DLG2: variants seen among roughly 807,000 people sequenced by gnomAD.
DLG2 encodes the protein discs large MAGUK scaffold protein 2.
DLG2 carries 45 observed loss-of-function variants against 132.5 expected under a neutral mutation model. The ratio of observed to expected loss-of-function variants is 0.34; its 90% CI spans 0.27 to 0.44. The LOEUF is 0.44. DLG2 is among the 20% of genes least tolerant of loss of function. DLG2 has a pLI of 1.00. For synonymous variants in DLG2, 424 were observed against 419.6 expected (o/e 1.01, Z -0.13); for missense variants, 1,045 against 1,196.9 (o/e 0.87, Z 1.87).
intron 9 of DLG2, among the ~76,000 whole-genome samples, chr11:84,157,402 T>C (rs1200468257): frequency 6.6e-6 from 1 of 152,206 alleles, no homozygotes; most frequent in Middle Eastern, 3.2e-3. Context: ...CTACTCCCTA[T>C]CTGAGAGGCC....
At chr11:84,428,471 G>A (rs894532018) in intron 7 of DLG2, among the ~76,000 whole-genome samples, 1 of 152,166 alleles carries the variant, frequency 6.6e-6, no homozygotes, top group African/African-American at 2.4e-5. Context: ...TCACAGTTCT[G>A]GAGACTGGGA....
At chr11:85,199,483 G>A (rs532856202) in intron 4 of DLG2, among the ~76,000 whole-genome samples, 1 of 152,166 alleles carries the variant, frequency 6.6e-6, no homozygotes, top group South Asian at 2.1e-4. Context: ...GAGAATCAAA[G>A]TTCATTGAAC....
intron 11 of DLG2, among the ~76,000 whole-genome samples, chr11:84,027,643 C>G (rs1428494521): frequency 6.6e-6 from 1 of 151,736 alleles, no homozygotes; most frequent in Non-Finnish European, 1.5e-5. Context: ...GGAGAAACAC[C>G]TTTTGGGATA....
At chr11:84,186,546 T>C (rs965906578) in intron 8 of DLG2, among the ~76,000 whole-genome samples, 1 of 152,016 alleles carries the variant, frequency 6.6e-6, no homozygotes, top group African/African-American at 2.4e-5. Context: ...ATTTGTTAGA[T>C]TGAAGTTTGT....
At chr11:84,302,801 C>T (rs1422361767) in intron 7 of DLG2, among the ~76,000 whole-genome samples, 2 of 151,820 alleles carry the variant, frequency 1.3e-5, no homozygotes, top group Non-Finnish European at 2.9e-5. Flanking sequence ...AAAAATAAAA[C>T]GTGGGCCAGG....
At chr11:84,145,833 C>T (rs75962954) in intron 9 of DLG2, among the ~76,000 whole-genome samples, 1 of 152,214 alleles carries the variant, frequency 6.6e-6, no homozygotes, top group African/African-American at 2.4e-5. Context: ...GCATTTTGTG[C>T]CGATTCATCT....
intron 3 of DLG2, among the ~76,000 whole-genome samples, chr11:85,505,362 A>C (rs923676986): frequency 6.6e-6 from 1 of 152,198 alleles, no homozygotes; most frequent in Non-Finnish European, 1.5e-5. Flanking sequence ...TGGGTTTGTC[A>C]TAAAGAGGTC....
intron 6 of DLG2, among the ~76,000 whole-genome samples, chr11:84,856,197 A>G (rs1315407283): frequency 1.3e-5 from 2 of 152,100 alleles, no homozygotes; most frequent in Admixed American, 6.6e-5. Context: ...CCTTCTTCGA[A>G]AAAACAGTCT....
At chr11:84,180,990 G>A (rs944540538) in intron 8 of DLG2, among the ~76,000 whole-genome samples, 1 of 151,666 alleles carries the variant, frequency 6.6e-6, no homozygotes, top group Admixed American at 6.6e-5. Context: ...AAGAGCTCTG[G>A]AGAAAGAATA....
chr11:84,716,227 C>A (rs575705915), intron 6 of DLG2, among the ~76,000 whole-genome samples: 2 of 151,986 alleles, frequency 1.3e-5, no homozygotes, highest in Admixed American at 6.6e-5. Flanking sequence ...AAGTGTCTAT[C>A]CAGGTCCCTT....
chr11:85,045,729 C>T (rs952297556), intron 6 of DLG2, among the ~76,000 whole-genome samples: 5 of 151,906 alleles, frequency 3.3e-5, no homozygotes, highest in Non-Finnish European at 5.9e-5. Flanking sequence ...TTGTAAAGTT[C>T]AAGTGCATGA....
At chr11:84,258,644 C>A (rs1195438559) in intron 7 of DLG2, among the ~76,000 whole-genome samples, 1 of 152,206 alleles carries the variant, frequency 6.6e-6, no homozygotes, top group Non-Finnish European at 1.5e-5. Flanking sequence ...GAGCAAGTCA[C>A]TTGCCTAAGG....
chr11:84,080,817 C>A (rs916478004), intron 10 of DLG2, among the ~76,000 whole-genome samples: 1 of 151,818 alleles, frequency 6.6e-6, no homozygotes, highest in African/African-American at 2.4e-5. Flanking sequence ...CAAGGTGAAA[C>A]CCCATCTCTA....
intron 6 of DLG2, among the ~76,000 whole-genome samples, chr11:85,065,604 A>G (rs1406836373): frequency 6.6e-6 from 1 of 151,252 alleles, no homozygotes; most frequent in Non-Finnish European, 1.5e-5. Flanking sequence ...ATAAAATAAC[A>G]TATCAGGCAT....
intron 6 of DLG2, among the ~76,000 whole-genome samples, chr11:84,939,658 A>G (rs774407327): frequency 6.6e-6 from 1 of 152,198 alleles, no homozygotes; most frequent in Non-Finnish European, 1.5e-5. Context: ...CCCACAAATG[A>G]GTAAGAACAT....
At chr11:83,903,048 A>G (rs2073893528) in intron 15 of DLG2, among the ~76,000 whole-genome samples, 1 of 152,116 alleles carries the variant, frequency 6.6e-6, no homozygotes, top group African/African-American at 2.4e-5. Context: ...ATGGGTAGGT[A>G]TTTCTGGATG....
intron 7 of DLG2, among the ~76,000 whole-genome samples, chr11:84,347,014 T>C (rs1360297884): frequency 2.0e-5 from 3 of 152,210 alleles, no homozygotes; most frequent in Non-Finnish European, 4.4e-5. Context: ...AAAGTAATTA[T>C]GGCTATTTTG....
intron 9 of DLG2, among the ~76,000 whole-genome samples, chr11:84,149,314 T>G (rs970657353): frequency 6.6e-6 from 1 of 152,166 alleles, no homozygotes; most frequent in African/African-American, 2.4e-5. Flanking sequence ...GAGAAGGGTA[T>G]TTCTTGGGCT....
chr11:85,163,407 T>C (rs972326583), intron 4 of DLG2, among the ~76,000 whole-genome samples: 48 of 152,164 alleles, frequency 3.2e-4, no homozygotes, highest in Admixed American at 2.9e-3. Context: ...AATATAAAAA[T>C]ACGTAATTTA....
Sources: gnomAD v4.1 joint callset for allele counts (sites outside exome capture counted in the v4.1 genomes callset) on GRCh38, gnomAD v4.1.1 for gene constraint, MANE v1.5 for transcripts, NCBI Gene and HGNC (gene_info 2026-07-23, HGNC 2026-07-21) for gene names.